Variants in KCNK5 observed in about 807,000 individuals in gnomAD.
KCNK5 encodes the protein potassium channel subfamily K member 5.
A neutral mutation model predicts 32.9 loss-of-function variants in KCNK5; 18 were observed. The observed-to-expected ratio is 0.55, with a 90% confidence interval of 0.38 to 0.81. The LOEUF (loss-of-function observed/expected upper bound fraction) is 0.81. Among genes scored for constraint, KCNK5 ranks in the 30% least tolerant of loss-of-function variants. The pLI is 0.00. For synonymous variants in KCNK5, 276 were observed against 275.3 expected (o/e 1.00, Z -0.03); for missense variants, 507 against 651.0 (o/e 0.78, Z 2.41).
At chr6:39,209,787 C>T (rs1203812254) in intron 1 of KCNK5, among the ~76,000 whole-genome samples, 1 of 152,206 alleles carries the variant, frequency 6.6e-6, no homozygotes, top group African/African-American at 2.4e-5. Flanking sequence ...CCTCAGCCTT[C>T]CTGGTGGAGT....
intron 1 of KCNK5, among the ~76,000 whole-genome samples, chr6:39,210,980 C>T (rs1036350286): frequency 6.6e-6 from 1 of 152,144 alleles, no homozygotes; most frequent in African/African-American, 2.4e-5. Flanking sequence ...TCCTCCCCTT[C>T]CCCTACTCCA....
chr6:39,195,871 C>T lies in KCNK5; in HGVS notation c.298+5G>A. ...TGGGTGTCCTACAGGTCCCAGAAGA[C>T]TTACCAATGGTGGTAATGACGGTCG... On this transcript the variant is annotated splice_donor_5th_base_variant and intron_variant, in intron 2 of 4. Coordinates refer to ENST00000359534, the MANE Select transcript of KCNK5 (RefSeq NM_003740.4). 6.2e-7 allele frequency: 1 copy of T among 1,609,138 alleles called. No individual in the cohort carries two copies. The highest frequency in any genetic ancestry group is 1.1e-5 in the South Asian group (1 of 90,802).
rs116288586 is a variant in KCNK5 at position 39,226,988 on chromosome 6, T to C, written c.186+1938A>G. Reference sequence around the variant, plus strand: ...CTTTTTTTTGGTAGGGGGGTAAATGTTGACAGATTTAACAGGACTGCTAAA... The same window carrying C: ...CTTTTTTTTGGTAGGGGGGTAAATGCTGACAGATTTAACAGGACTGCTAAA... On this transcript the variant is annotated intron_variant, in intron 1 of 4. Coordinates refer to ENST00000359534, the MANE Select transcript of KCNK5 (RefSeq NM_003740.4). 7.0e-3 allele frequency among the ~76,000 whole-genome samples: 1,069 copies of C among 152,214 alleles called. 13 individuals carry two copies. The highest frequency in any genetic ancestry group is 0.024 in the African/African-American group (977 of 41,534).
chr6:39,222,122 C>T (rs1771562897), intron 1 of KCNK5, among the ~76,000 whole-genome samples: 1 of 152,188 alleles, frequency 6.6e-6, no homozygotes, highest in Non-Finnish European at 1.5e-5. Context: ...ACAACTGGAG[C>T]ACACCACCCC....
At chr6:39,226,217 T>C (rs1771668556) in intron 1 of KCNK5, among the ~76,000 whole-genome samples, 1 of 152,076 alleles carries the variant, frequency 6.6e-6, no homozygotes, top group Admixed American at 6.6e-5. Context: ...AGTCTGCAAT[T>C]TAGGAAGAGG....
intron 1 of KCNK5, among the ~76,000 whole-genome samples, chr6:39,220,256 G>T (rs1351551566): frequency 6.6e-6 from 1 of 152,232 alleles, no homozygotes; most frequent in South Asian, 2.1e-4. Flanking sequence ...CTAAGCAGCT[G>T]CAGCCAGATT....
chr6:39,215,880 G>C, intron 1 of KCNK5, among the ~76,000 whole-genome samples: 1 of 152,182 alleles, frequency 6.6e-6, no homozygotes, highest in East Asian at 1.9e-4. Flanking sequence ...CAAAAGTCAG[G>C]GGCCTCTTAG....
intron 1 of KCNK5, among the ~76,000 whole-genome samples, chr6:39,201,675 C>T (rs1339845521): frequency 6.6e-6 from 1 of 152,196 alleles, no homozygotes. Context: ...CAGAAAGAAA[C>T]TTATCATTCC....
chr6:39,189,741 A>G lies in KCNK5; in HGVS notation c.*1149T>C, dbSNP rs150080008. The G allele has an allele frequency of 2.0e-5, 3 of 152,802 alleles. No individual in the cohort carries two copies. In the East Asian group the frequency reaches 5.8e-4, roughly 30 times the overall value. The allele number at this position is 152,802 out of a possible 1,614,324, so 9.5% of individuals were successfully genotyped here. A position where few individuals can be genotyped will look rare whatever the true frequency, so the allele number is the denominator to read the frequency against. On this transcript the variant is annotated 3_prime_UTR_variant, in exon 5 of 5. Coordinates refer to ENST00000359534, the MANE Select transcript of KCNK5 (RefSeq NM_003740.4). ...TCCTTTCCTTTCTTAAACACACACG[A>G]GTGCACAGGTGTGCGTGTGCACACA...
At chr6:39,212,728 T>G (rs990826780) in intron 1 of KCNK5, among the ~76,000 whole-genome samples, 1 of 152,096 alleles carries the variant, frequency 6.6e-6, no homozygotes, top group Admixed American at 6.5e-5. Flanking sequence ...GCCGGATGGG[T>G]GTCCCTGGCC....
chr6:39,217,300 C>A (rs537716329), intron 1 of KCNK5, among the ~76,000 whole-genome samples: 1 of 152,094 alleles, frequency 6.6e-6, no homozygotes, highest in East Asian at 1.9e-4. Context: ...CAGCAGAGTC[C>A]AAATCACTCA....
At chr6:39,222,755 A>G (rs115209893) in intron 1 of KCNK5, among the ~76,000 whole-genome samples, 1,839 of 152,320 alleles carry the variant, frequency 0.012, 23 homozygotes, top group Non-Finnish European at 0.018. Context: ...ACTCCATACT[A>G]TTTTTCACAG....
intron 4 of KCNK5, among the ~76,000 whole-genome samples, chr6:39,193,832 C>T (rs1463847350): frequency 2.6e-5 from 4 of 152,090 alleles, no homozygotes; most frequent in South Asian, 2.1e-4. Context: ...GTAGCAGGTA[C>T]CAACCGTGCA....
chr6:39,220,104 C>T (rs560722366), intron 1 of KCNK5, among the ~76,000 whole-genome samples: 189 of 152,352 alleles, frequency 1.2e-3, no homozygotes, highest in African/African-American at 4.2e-3. Context: ...GTGTCCTCCC[C>T]ACCCAGTGTG....
At chr6:39,212,385 T>C (rs9471003) in intron 1 of KCNK5, among the ~76,000 whole-genome samples, 1,916 of 152,310 alleles carry the variant, frequency 0.013, 45 homozygotes, top group African/African-American at 0.043. Flanking sequence ...ACCATACTAG[T>C]ACCAAGACTG....
Position 39,190,855 on chromosome 6 carries a change from G to A in KCNK5, c.*35C>T. 1.4e-6 allele frequency: 2 copies of A among 1,451,494 alleles called. No individual in the cohort carries two copies. The highest frequency in any genetic ancestry group is 1.8e-6 in the Non-Finnish European group (2 of 1,100,078). The allele number at this position is 1,451,494 out of a possible 1,614,324, so 89.9% of individuals were successfully genotyped here. A position where few individuals can be genotyped will look rare whatever the true frequency, so the allele number is the denominator to read the frequency against. On this transcript the variant is annotated 3_prime_UTR_variant, in exon 5 of 5. Transcript: ENST00000359534. The stretch of plus-strand genomic sequence containing the variant: ...GACACCCTAGGGTGAGGGGGGAAGA[G>A]GCCATCAAAGGTGGGGTGGGGAGCC...
chr6:39,225,478 C>T (rs1771657074), intron 1 of KCNK5, among the ~76,000 whole-genome samples: 1 of 152,206 alleles, frequency 6.6e-6, no homozygotes, highest in Admixed American at 6.5e-5. Context: ...CACTGCCCAC[C>T]AGAGGCAGAA....
chr6:39,215,473 AGTCTGTGAATAGGT>A (rs1771414947), intron 1 of KCNK5, among the ~76,000 whole-genome samples: 1 of 152,206 alleles, frequency 6.6e-6, no homozygotes, highest in African/African-American at 2.4e-5. Flanking sequence ...TCCTCCAGAG[AGTCTGTGAATAGGT>A]GCCTACCTCC....
chr6:39,227,457 G>C (rs574692577), intron 1 of KCNK5, among the ~76,000 whole-genome samples: 2 of 152,142 alleles, frequency 1.3e-5, no homozygotes, highest in African/African-American at 4.8e-5. Flanking sequence ...GCTGTTAGGA[G>C]GTAAACCAAC....
Sources: gnomAD v4.1 joint callset for allele counts (sites outside exome capture counted in the v4.1 genomes callset) on GRCh38, gnomAD v4.1.1 for gene constraint, MANE v1.5 for transcripts, NCBI Gene and HGNC (gene_info 2026-07-23, HGNC 2026-07-21) for gene names.